ITLN2: variants seen among roughly 807,000 people sequenced by gnomAD.
The protein encoded by ITLN2 is intelectin-2.
ITLN2 carries 29 observed loss-of-function variants against 39.4 expected under a neutral mutation model. That is an observed-to-expected ratio of 0.74 (90% CI 0.55 to 1.00). The LOEUF is 1.00. Ranked by LOEUF, ITLN2 falls within the 50% of genes least tolerant of loss-of-function variation. ITLN2 has a pLI of 0.00. For synonymous variants in ITLN2, 156 were observed against 153.4 expected (o/e 1.02, Z -0.12); for missense variants, 412 against 416.7 (o/e 0.99, Z 0.10).
rs1570972981 is a variant in ITLN2 at position 160,950,117 on chromosome 1, G to A, written c.650C>T (p.Pro217Leu). The A allele has an allele frequency of 5.6e-6, 9 of 1,613,118 alleles. No homozygotes were observed. The South Asian group carries it at 9.9e-5, about 18-fold the overall frequency. The stretch of plus-strand genomic sequence containing the variant: ...AAAGTCATAGACCACAGGTATGGCT[G>A]GGCCATTGTCATTCCAACATTTCCC... ...RSGKCWNDNG[P>L]AIPVVYDFGD... The change falls in exon 6 of 8, where the codon CCA (proline) becomes CTA (leucine). Residue 217 changes from proline (P) to leucine (L), a missense_variant. Transcript: ENST00000368029.
chr1:160,950,228 G>A, intron 5 of ITLN2, 62 bp from the exon 6 acceptor site: 2 of 1,574,488 alleles, frequency 1.3e-6, no homozygotes, highest in Non-Finnish European at 1.7e-6. Flanking sequence ...AGTGTGGGGG[G>A]AGGAGGGGTT....
In ITLN2 at chr1:160,951,268, G is replaced by A. The variant is rs548926671; in HGVS notation, c.216C>T (p.Thr72=). The change falls in exon 4 of 8, where the codon ACC becomes ACT. Residue 72 remains threonine (T), a synonymous_variant. Coordinates refer to ENST00000368029, the MANE Select transcript of ITLN2 (RefSeq NM_080878.3). ...SAGDGLYFLR[T]KNGVVYQTFC... is the part of the protein sequence containing the mutation. The stretch of plus-strand genomic sequence containing the variant: ...AGGTCTGGTAGACAACACCATTCTT[G>A]GTGCGGAGAAAATACAGGCCATCTG... 301 of 1,592,502 alleles carry A rather than the reference G, an allele frequency of 1.9e-4. 2 individuals carry two copies. In the South Asian group the frequency reaches 3.2e-3, roughly 17 times the overall value.
chr1:160,945,371 T>C (rs1306896960), intron 7 of ITLN2, 79 bp from the exon 8 acceptor site: 3 of 1,353,112 alleles, frequency 2.2e-6, no homozygotes, highest in Admixed American at 5.7e-5. Flanking sequence ...GGTCTCGAAC[T>C]CCAGACCTCA....
chr1:160,947,087 C>A (rs917177276), intron 7 of ITLN2, among the ~76,000 whole-genome samples: 2 of 152,150 alleles, frequency 1.3e-5, no homozygotes, highest in Non-Finnish European at 2.9e-5. Flanking sequence ...ATTTATTGAT[C>A]ATTATTTTTA....
intron 4 of ITLN2, 84 bp from the exon 5 acceptor site, chr1:160,950,795 G>A: frequency 5.8e-6 from 9 of 1,547,970 alleles, no homozygotes; most frequent in Non-Finnish European, 7.9e-6. Flanking sequence ...CAGCTGGGCT[G>A]AGAGCTCTGG....
chr1:160,945,147 T>C lies in ITLN2; in HGVS notation c.971A>G (p.Tyr324Cys), dbSNP rs762009770. ...EITEAAVLLF[Y>C]R ...ACACCGCAGAGCTCTGTCTCATCTATAGAACAAGAGTACAGCCGCCTCCGT... is the reference window on the plus strand; with the variant it reads ...ACACCGCAGAGCTCTGTCTCATCTACAGAACAAGAGTACAGCCGCCTCCGT... Residue 324 changes from tyrosine (Y) to cysteine (C), a missense_variant, in exon 8 of 8, where the codon TAT becomes TGT. Coordinates refer to ENST00000368029, the MANE Select transcript of ITLN2 (RefSeq NM_080878.3). The C allele has an allele frequency of 6.9e-6, 11 of 1,593,582 alleles. 1 individual carries two copies. In the Middle Eastern group the frequency reaches 1.3e-3, roughly 193 times the overall value.
intron 2 of ITLN2, among the ~76,000 whole-genome samples, chr1:160,953,271 G>C (rs1671787147): frequency 1.3e-5 from 2 of 152,172 alleles, no homozygotes. Context: ...GTCGCTTATT[G>C]TGGCTGGAAC....
Position 160,951,287 on chromosome 1 carries a change from C to T in ITLN2, c.197G>A (p.Gly66Asp), listed in dbSNP as rs1671737765. ...ATTCTTGGTGCGGAGAAAATACAGG[C>T]CATCTGTAGAGAGAACCAGCCCAGA... ...IKERCHSAGDGLYFLRTKNGV... is the reference protein window; with the variant it reads ...IKERCHSAGDDLYFLRTKNGV... The change falls in exon 4 of 8, where the codon GGC becomes GAC. Residue 66 changes from glycine to aspartate, a missense_variant. Gly to Asp is a moderately conservative substitution (Grantham distance 94, BLOSUM62 -1). Coordinates refer to ENST00000368029, the MANE Select transcript of ITLN2 (RefSeq NM_080878.3). 1 of 1,577,214 alleles carries T rather than the reference C, an allele frequency of 6.3e-7. No homozygotes were observed. Among genetic ancestry groups the T allele is most frequent in the African/African-American group, 1.3e-5 (1 of 74,438 alleles).
At chr1:160,947,410 C>G (rs1024224120) in intron 7 of ITLN2, among the ~76,000 whole-genome samples, 3 of 152,194 alleles carry the variant, frequency 2.0e-5, no homozygotes, top group East Asian at 1.9e-4. Flanking sequence ...GAGACAGAAG[C>G]CTTCCTCTTA....
At chr1:160,951,898 A>AT (rs1317113616) in intron 3 of ITLN2, among the ~76,000 whole-genome samples, 6 of 152,242 alleles carry the variant, frequency 3.9e-5, no homozygotes, top group African/African-American at 1.4e-4. Context: ...GGAGGCTGTC[A>AT]TGAGACAGCT....
chr1:160,949,780 C>T, intron 6 of ITLN2: 5 of 372,024 alleles, frequency 1.3e-5, no homozygotes, highest in African/African-American at 2.0e-5. Context: ...ATCTCTTTTT[C>T]TTTTCCCCAC....
At position 160,954,392 on chromosome 1, in the gene ITLN2, C is replaced by T. The variant is rs1671816899; in HGVS notation, c.74G>A (p.Ser25Asn). 5 of 1,572,122 alleles carry T rather than the reference C, an allele frequency of 3.2e-6. No individual in the cohort carries two copies. The highest frequency in any genetic ancestry group is 3.5e-6 in the Non-Finnish European group (4 of 1,156,946). ...TACTCTCAGAAGCCATTTACCTGCA[C>T]TGCACCCACTGGTGGCCACAGAGAA... ...LFFSVATSGC[S>N]AAAASSLEML... The change falls in exon 2 of 8, where the codon AGT becomes AAT. Residue 25 changes from serine to asparagine, a missense_variant. Physicochemically the swap from Ser to Asn is conservative, Grantham distance 46 (BLOSUM62 1). Coordinates refer to ENST00000368029, the MANE Select transcript of ITLN2 (RefSeq NM_080878.3).
chr1:160,950,536 C>A lies in ITLN2; in HGVS notation c.600+17G>T. On this transcript the variant is annotated intron_variant, in intron 5 of 7. Coordinates refer to ENST00000368029, the MANE Select transcript of ITLN2 (RefSeq NM_080878.3). ...GTTCACCAAAGAAAGTGCCCCCCAG[C>A]CAGCAGCCCTGTGTACCTGGTAGAT... The A allele has an allele frequency of 6.2e-7, 1 of 1,610,416 alleles. No individual in the cohort carries two copies. Among genetic ancestry groups the A allele is most frequent in the Non-Finnish European group, 8.5e-7 (1 of 1,177,970 alleles).
chr1:160,953,063 G>A (rs552568617), intron 2 of ITLN2, among the ~76,000 whole-genome samples: 23 of 152,064 alleles, frequency 1.5e-4, no homozygotes, highest in Non-Finnish European at 2.7e-4. Context: ...ACCCACTAAC[G>A]GGGGTGAGGC....
intron 7 of ITLN2, 33 bp from the exon 8 acceptor site, chr1:160,945,325 AT>A (rs772208953): frequency 5.4e-5 from 82 of 1,510,018 alleles, no homozygotes; most frequent in Non-Finnish European, 2.6e-6. Flanking sequence ...ACTGTGAGGA[AT>A]TTGATTTGCT....
intron 2 of ITLN2, 86 bp from the exon 3 acceptor site, chr1:160,952,819 T>C: frequency 1.1e-6 from 1 of 950,004 alleles, no homozygotes; most frequent in East Asian, 2.5e-5. Context: ...TATCAACTCA[T>C]CACTCTGCTC....
intron 2 of ITLN2, 145 bp from the exon 3 acceptor site, chr1:160,952,878 A>G (rs1671776962): frequency 4.8e-6 from 3 of 618,886 alleles, no homozygotes; most frequent in Non-Finnish European, 8.6e-6. Flanking sequence ...GGTCTGATCC[A>G]ACAGCTGGTA....
chr1:160,951,059 G>T lies in ITLN2; in HGVS notation c.425C>A (p.Thr142Lys). The T allele has an allele frequency of 6.2e-7, 1 of 1,614,146 alleles. No individual in the cohort carries two copies. The highest frequency in any genetic ancestry group is 8.5e-7 in the Non-Finnish European group (1 of 1,180,038). The change falls in exon 4 of 8, where the codon ACG becomes AAG. Residue 142 changes from threonine to lysine, a missense_variant. Physicochemically the swap from Thr to Lys is moderately conservative, Grantham distance 78. Transcript: ENST00000368029. ...YNTFGSAEAATSDDYKNPGYY... is the reference protein window; with the variant it reads ...YNTFGSAEAAKSDDYKNPGYY... ...GGCACCAACCTTGTAGTCATCGCTC[G>T]TGGCCGCCTCTGCAGATCCAAAGGT...
At position 160,950,040 on chromosome 1, in the gene ITLN2, A is replaced by G; in HGVS notation, c.721+6T>C. 2 of 1,612,256 alleles carry G rather than the reference A, an allele frequency of 1.2e-6. No homozygotes were observed. Among genetic ancestry groups the G allele is most frequent in the Non-Finnish European group, 1.7e-6 (2 of 1,178,670 alleles). On this transcript the variant is annotated splice_donor_region_variant and intron_variant, in intron 6 of 7. Transcript: ENST00000368029. ...TTATGACTGGACTTAGGGAGCAAAC[A>G]CTCACGTTGACCATACGGTGAGTAA...
Sources: allele counts gnomAD v4.1 joint callset (sites outside exome capture counted in the v4.1 genomes callset), GRCh38; gene constraint gnomAD v4.1.1; transcripts MANE v1.5; gene names NCBI Gene and HGNC (gene_info 2026-07-23, HGNC 2026-07-21).